SCIN: variants seen among roughly 807,000 people sequenced by gnomAD.
SCIN encodes adseverin.
A neutral mutation model predicts 91.8 loss-of-function variants in SCIN; 91 were observed. The observed-to-expected ratio is 0.99, with a 90% CI of 0.84 to 1.18. The LOEUF (loss-of-function observed/expected upper bound fraction) is 1.18. Ranked by LOEUF, SCIN falls within the 50% of genes most tolerant of loss-of-function variation. The probability of loss-of-function intolerance (pLI) is 0.00; values close to 1 mark genes in which losing one functional copy is unlikely to be tolerated. For synonymous variants in SCIN, 367 were observed against 312.6 expected, an observed-to-expected ratio of 1.17 and a Z score of -1.84; for missense variants, 1,087 against 863.9, an observed-to-expected ratio of 1.26 and a Z score of -3.24.
intron 9 of SCIN, among the ~76,000 whole-genome samples, chr7:12,633,137 C>G (rs761061411): frequency 1.8e-4 from 27 of 151,852 alleles, no homozygotes; most frequent in Non-Finnish European, 2.2e-4. Context: ...GGGACATAAA[C>G]AGGTTAAGTC....
At chr7:12,633,619 G>A (rs767852683) in intron 9 of SCIN, among the ~76,000 whole-genome samples, 3 of 152,174 alleles carry the variant, frequency 2.0e-5, no homozygotes, top group Non-Finnish European at 4.4e-5. Context: ...AATAAAAGGA[G>A]CAAAATGAAG....
chr7:12,655,907 C>T lies in SCIN; in HGVS notation c.*3192C>T, dbSNP rs1180778299. 6.6e-6 allele frequency: 1 copy of T among 152,122 alleles called. No individual in the cohort carries two copies. Among genetic ancestry groups the T allele is most frequent in the Non-Finnish European group, 1.5e-5 (1 of 68,032 alleles). The allele number at this position is 152,122 out of a possible 1,614,324, so 9.4% of individuals were successfully genotyped here. A position where few individuals can be genotyped will look rare whatever the true frequency, so the allele number is the denominator to read the frequency against. On this transcript the variant is annotated 3_prime_UTR_variant, in exon 16 of 16. Coordinates refer to ENST00000297029, the MANE Select transcript of SCIN (RefSeq NM_001112706.3). ...AGAACAGAAAGACCCAGGAAGCCTA[C>T]TGTTAGTAGAGGTCAGCCTCATCTT... is the stretch of plus-strand genomic sequence containing the variant.
chr7:12,635,611 CAAAAAAAAAAAAAAA>C (rs59324421), intron 9 of SCIN, among the ~76,000 whole-genome samples: 6 of 5,850 alleles, frequency 1.0e-3, no homozygotes, highest in South Asian at 0.01. Flanking sequence ...GACTCCGTCT[CAAAAAAAAAAAAAAA>C]AAAAAAAAAA....
intron 3 of SCIN, among the ~76,000 whole-genome samples, 162 bp downstream of exon 3, chr7:12,581,383 G>A (rs1206151796): frequency 3.3e-5 from 5 of 152,188 alleles, no homozygotes; most frequent in Non-Finnish European, 7.3e-5. Context: ...GACGCATGAA[G>A]TGAGACTTCA....
chr7:12,576,433 A>C (rs1391861402), intron 1 of SCIN, among the ~76,000 whole-genome samples: 1 of 152,084 alleles, frequency 6.6e-6, no homozygotes, highest in African/African-American at 2.4e-5. Flanking sequence ...GTAAGAGGGA[A>C]ATTGTAAGGA....
At chr7:12,594,731 C>T (rs557240715) in intron 3 of SCIN, among the ~76,000 whole-genome samples, 2 of 152,132 alleles carry the variant, frequency 1.3e-5, no homozygotes, top group African/African-American at 2.4e-5. Context: ...ACGACAAAGA[C>T]GAGAGAGGGC....
intron 3 of SCIN, among the ~76,000 whole-genome samples, chr7:12,590,620 T>C (rs867413302): frequency 1.6e-5 from 2 of 121,916 alleles, no homozygotes; most frequent in Non-Finnish European, 1.8e-5. Context: ...AGTTCTTGGG[T>C]AGGATTGCTG....
Position 12,626,895 on chromosome 7 carries a change from G to A in SCIN, c.1197+96G>A, listed in dbSNP as rs916996890. ...ACTTGAGGACAGGAGTTCGAGATCA[G>A]CCTGGCCAACATGGTGAAACCCCAC... On this transcript the variant is annotated intron_variant, in intron 8 of 15. Coordinates refer to ENST00000297029, the MANE Select transcript of SCIN (RefSeq NM_001112706.3). 12 of 1,109,222 alleles carry A rather than the reference G, an allele frequency of 1.1e-5. No individual in the cohort carries two copies. The African/African-American group carries it at 1.4e-4, about 13-fold the overall frequency. 68.7% of individuals were successfully genotyped at this position (1,109,222 alleles called of 1,614,324 possible). A position where few individuals can be genotyped will look rare whatever the true frequency, so the allele number is the denominator to read the frequency against.
intron 9 of SCIN, 52 bp downstream of exon 9, chr7:12,629,274 C>A (rs374201701): frequency 1.6e-5 from 25 of 1,554,742 alleles, no homozygotes; most frequent in Middle Eastern, 3.4e-4. Context: ...AGATTTTGCT[C>A]CAAAGTATTA....
intron 13 of SCIN, 29 bp from the exon 14 acceptor site, chr7:12,649,438 T>C: frequency 1.4e-6 from 2 of 1,479,272 alleles, no homozygotes; most frequent in Non-Finnish European, 1.8e-6. Context: ...GCTTTACTTT[T>C]TGCTCATATA....
At chr7:12,614,394 G>A (rs1220610425) in intron 4 of SCIN, among the ~76,000 whole-genome samples, 1 of 152,152 alleles carries the variant, frequency 6.6e-6, no homozygotes, top group Non-Finnish European at 1.5e-5. Flanking sequence ...CCATAGAAGA[G>A]GCACTCTTCT....
In SCIN at chr7:12,640,476, C is replaced by G. The variant is rs1221857996; in HGVS notation, c.1540C>G (p.Gln514Glu). 4.3e-6 allele frequency: 7 copies of G among 1,612,540 alleles called. No individual in the cohort carries two copies. Among genetic ancestry groups the G allele is most frequent in the Non-Finnish European group, 5.9e-6 (7 of 1,179,354 alleles). Reference protein sequence around the residue: ...QAPAPPTRLFQVRRNLASITR... With the variant: ...QAPAPPTRLFEVRRNLASITR... ...ACCTGCTCCCCCTACACGCCTCTTTCAAGTCCGGAGAAACCTGGCATCTAT... is the reference window on the plus strand; with the variant it reads ...ACCTGCTCCCCCTACACGCCTCTTTGAAGTCCGGAGAAACCTGGCATCTAT... Residue 514 changes from glutamine to glutamate, a missense_variant, in exon 11 of 16, where the codon CAA (glutamine) becomes GAA (glutamate). Physicochemically the swap from Gln to Glu is conservative, Grantham distance 29. Transcript: ENST00000297029.
chr7:12,610,932 A>G (rs1349091481), intron 4 of SCIN: 1 of 152,222 alleles, frequency 6.6e-6, no homozygotes, highest in Non-Finnish European at 1.5e-5. Flanking sequence ...TCATCTATGA[A>G]TTAAAATGCA....
intron 4 of SCIN, among the ~76,000 whole-genome samples, chr7:12,612,044 T>C (rs1053759496): frequency 9.4e-5 from 14 of 149,044 alleles, no homozygotes; most frequent in African/African-American, 3.1e-4. Flanking sequence ...GTCGAAACTC[T>C]GTACTTTGTA....
At chr7:12,618,233 C>G (rs1308787225) in intron 4 of SCIN, among the ~76,000 whole-genome samples, 1 of 152,048 alleles carries the variant, frequency 6.6e-6, no homozygotes, top group Admixed American at 6.6e-5. Context: ...TCACACTAGC[C>G]ACATTTCAGG....
chr7:12,631,583 A>G (rs1241263589), intron 9 of SCIN, among the ~76,000 whole-genome samples: 2 of 152,150 alleles, frequency 1.3e-5, no homozygotes, highest in African/African-American at 2.4e-5. Flanking sequence ...CAGTGGCTTT[A>G]TAAGAAGAGA....
Position 12,644,234 on chromosome 7 carries a change from CAGG to C in SCIN, c.1687_1689del (p.Glu563del). 4.3e-6 allele frequency: 7 copies of C among 1,609,652 alleles called. No individual in the cohort carries two copies. The highest frequency in any genetic ancestry group is 3.3e-4 in the Middle Eastern group (2 of 6,054). ...CATCTGGGTAGGAAAAGGTGCTAGC[CAGG>C]AGGAGGAGAAAGGAGCAGAGTATGT... On this transcript the variant is annotated inframe_deletion, in exon 12 of 16. Transcript: ENST00000297029.
intron 4 of SCIN, among the ~76,000 whole-genome samples, chr7:12,610,129 T>C (rs1035092068): frequency 3.9e-5 from 6 of 152,208 alleles, no homozygotes; most frequent in African/African-American, 1.4e-4. Context: ...TTTTAGACTT[T>C]ATGATGTTAG....
At chr7:12,605,999 T>C (rs1334706740) in intron 4 of SCIN, among the ~76,000 whole-genome samples, 2 of 152,142 alleles carry the variant, frequency 1.3e-5, no homozygotes, top group East Asian at 3.9e-4. Context: ...CCTAAGTATA[T>C]ATATTGTATA....
Sources: allele counts gnomAD v4.1 joint callset (sites outside exome capture counted in the v4.1 genomes callset), GRCh38; gene constraint gnomAD v4.1.1; transcripts MANE v1.5; gene names NCBI Gene and HGNC (gene_info 2026-07-23, HGNC 2026-07-21).